The following NCKAP5 variants were observed in gnomAD, a reference collection of about 807,000 sequenced individuals.
NCKAP5 encodes NCK associated protein 5.
A neutral mutation model predicts 167.0 loss-of-function variants in NCKAP5; 92 were observed. The ratio of observed to expected loss-of-function variants is 0.55; its 90% CI spans 0.47 to 0.66. The LOEUF (loss-of-function observed/expected upper bound fraction) is 0.66, where lower values mean the gene tolerates loss of function less well. Ranked by LOEUF, NCKAP5 falls within the 30% of genes least tolerant of loss-of-function variation. The pLI is 0.00. For synonymous variants in NCKAP5, 891 were observed against 877.4 expected (o/e 1.02, Z -0.27); for missense variants, 2,378 against 2,315.0 (o/e 1.03, Z -0.56).
At chr2:132,696,209 G>T (rs1357501865) in intron 19 of NCKAP5, among the ~76,000 whole-genome samples, 1 of 152,182 alleles carries the variant, frequency 6.6e-6, no homozygotes, top group Non-Finnish European at 1.5e-5. Context: ...AGATTTCATG[G>T]CTTCTATTTT....
intron 11 of NCKAP5, among the ~76,000 whole-genome samples, chr2:132,837,880 G>GATCCA (rs1688009795): frequency 6.6e-6 from 1 of 152,164 alleles, no homozygotes; most frequent in Non-Finnish European, 1.5e-5. Context: ...TGAGACGAGT[G>GATCCA]ATCCAATCCC....
At chr2:132,697,640 A>G (rs1687472925) in intron 19 of NCKAP5, among the ~76,000 whole-genome samples, 1 of 151,806 alleles carries the variant, frequency 6.6e-6, no homozygotes, top group Non-Finnish European at 1.5e-5. Context: ...AAGGAAGCTA[A>G]GTGTATGTAC....
chr2:132,878,786 A>G, intron 9 of NCKAP5, 62 bp downstream of exon 9: 1 of 1,228,614 alleles, frequency 8.1e-7, no homozygotes, highest in Admixed American at 1.7e-5. Context: ...ACATTTTGAG[A>G]TCAGATTAAG....
At chr2:133,152,357 T>C (rs1489686755) in intron 5 of NCKAP5, among the ~76,000 whole-genome samples, 2 of 152,206 alleles carry the variant, frequency 1.3e-5, no homozygotes, top group African/African-American at 4.8e-5. Flanking sequence ...TTCTAAAATC[T>C]ATTGCTCTTT....
At chr2:133,423,698 T>C (rs1156420205) in intron 3 of NCKAP5, among the ~76,000 whole-genome samples, 1 of 152,178 alleles carries the variant, frequency 6.6e-6, no homozygotes, top group Non-Finnish European at 1.5e-5. Flanking sequence ...CCACATGAAG[T>C]AAATTTTTCA....
chr2:133,662,436 T>C, the NCKAP5 span, among the ~76,000 whole-genome samples: 2 of 151,748 alleles, frequency 1.3e-5, no homozygotes, highest in Non-Finnish European at 1.5e-5. Context: ...CAATGCCCAC[T>C]GCTTCAGGTT....
the NCKAP5 span, among the ~76,000 whole-genome samples, chr2:133,672,444 A>G: frequency 4.6e-5 from 7 of 152,258 alleles, no homozygotes; most frequent in African/African-American, 1.4e-4. Flanking sequence ...TGACATCACC[A>G]TAACATTCAT....
chr2:133,224,532 G>C (rs2086799348), intron 4 of NCKAP5, among the ~76,000 whole-genome samples: 1 of 152,024 alleles, frequency 6.6e-6, no homozygotes, highest in African/African-American at 2.4e-5. Context: ...ATATAATATT[G>C]GTAGTAAATA....
intron 3 of NCKAP5, among the ~76,000 whole-genome samples, chr2:133,411,062 T>C (rs1162735339): frequency 6.6e-6 from 1 of 152,244 alleles, no homozygotes; most frequent in African/African-American, 2.4e-5. Context: ...CACCAGTAAC[T>C]AGCTGTGGGG....
chr2:133,602,372 G>T, the NCKAP5 span, among the ~76,000 whole-genome samples: 1 of 152,276 alleles, frequency 6.6e-6, no homozygotes, highest in East Asian at 1.9e-4. Flanking sequence ...GAGGACTTGT[G>T]GGGTGTAGAC....
At chr2:133,004,092 G>T (rs2077879690) in intron 6 of NCKAP5, among the ~76,000 whole-genome samples, 1 of 152,216 alleles carries the variant, frequency 6.6e-6, no homozygotes, top group Admixed American at 6.5e-5. Flanking sequence ...ATGGATTCAT[G>T]TGTTTGTAGA....
At chr2:133,548,565 G>A (rs1686969175) in intron 2 of NCKAP5, among the ~76,000 whole-genome samples, 1 of 151,850 alleles carries the variant, frequency 6.6e-6, no homozygotes, top group African/African-American at 2.4e-5. Context: ...CAGAGTGGGG[G>A]CCAATATTCA....
chr2:132,756,669 TATAG>T (rs5834331), intron 16 of NCKAP5, among the ~76,000 whole-genome samples: 27,790 of 152,012 alleles, frequency 0.18, 3,175 homozygotes, highest in East Asian at 0.3. Context: ...GAAGCAGAAT[TATAG>T]ATAAATACTT....
At chr2:132,713,945 T>G (rs1180515101) in intron 19 of NCKAP5, among the ~76,000 whole-genome samples, 4 of 152,196 alleles carry the variant, frequency 2.6e-5, no homozygotes, top group African/African-American at 9.7e-5. Flanking sequence ...GATTTATTCA[T>G]TTATAATAAA....
At chr2:132,854,042 T>C (rs1053342992) in intron 11 of NCKAP5, among the ~76,000 whole-genome samples, 26 of 152,196 alleles carry the variant, frequency 1.7e-4, no homozygotes, top group African/African-American at 6.3e-4. Flanking sequence ...AATCCTTAGT[T>C]CACTCAGCAT....
intron 11 of NCKAP5, among the ~76,000 whole-genome samples, chr2:132,859,950 A>T (rs1370966516): frequency 1.3e-5 from 2 of 151,510 alleles, no homozygotes; most frequent in African/African-American, 4.8e-5. Flanking sequence ...TATGAAGGCA[A>T]GTAAAAAAAA....
At chr2:133,115,381 G>C (rs7568295) in intron 6 of NCKAP5, among the ~76,000 whole-genome samples, 22,545 of 151,924 alleles carry the variant, frequency 0.15, 1,984 homozygotes, top group East Asian at 0.37. Context: ...CATGAATATG[G>C]ATCCCACTAC....
intron 13 of NCKAP5, among the ~76,000 whole-genome samples, chr2:132,786,621 A>AT (rs921890817): frequency 4.6e-5 from 7 of 151,886 alleles, no homozygotes; most frequent in Non-Finnish European, 7.4e-5. Flanking sequence ...ACATATTCAT[A>AT]TTTTTTTCAT....
At chr2:133,278,119 C>T (rs1392611844) in intron 4 of NCKAP5, among the ~76,000 whole-genome samples, 1 of 152,184 alleles carries the variant, frequency 6.6e-6, no homozygotes, top group Non-Finnish European at 1.5e-5. Context: ...AGATGCCATA[C>T]AGGATTAGTA....
Sources: gnomAD v4.1 joint callset for allele counts (sites outside exome capture counted in the v4.1 genomes callset) on GRCh38, gnomAD v4.1.1 for gene constraint, MANE v1.5 for transcripts, NCBI Gene and HGNC (gene_info 2026-07-23, HGNC 2026-07-21) for gene names.